EPHA5: variants seen among roughly 807,000 people sequenced by gnomAD.
EPHA5 encodes the protein EPH receptor A5, also known as ephrin type-A receptor 5.
In EPHA5, 60 loss-of-function variants were observed where a neutral mutation model predicts 105.0. The observed-to-expected ratio is 0.57, with a 90% CI of 0.46 to 0.71. The LOEUF is 0.71. Ranked by LOEUF, EPHA5 falls within the 30% of genes least tolerant of loss-of-function variation. The pLI is 0.00. For synonymous variants in EPHA5, 513 were observed against 449.1 expected, an observed-to-expected ratio of 1.14 and a Z score of -1.80; for missense variants, 1,218 against 1,274.7, an observed-to-expected ratio of 0.96 and a Z score of 0.68.
intron 1 of EPHA5, among the ~76,000 whole-genome samples, chr4:65,669,199 T>G (rs1750229953): frequency 6.6e-6 from 1 of 151,874 alleles, no homozygotes; most frequent in African/African-American, 2.4e-5. Flanking sequence ...GCCCGAAATG[T>G]CACTTCCCCA....
chr4:65,523,391 A>T (rs780496492), intron 3 of EPHA5, among the ~76,000 whole-genome samples: 1 of 151,966 alleles, frequency 6.6e-6, no homozygotes, highest in Admixed American at 6.6e-5. Context: ...TTGATATTTC[A>T]TCTCTCTTTG....
chr4:65,658,009 C>CT (rs60072108), intron 1 of EPHA5, among the ~76,000 whole-genome samples: 43,359 of 150,758 alleles, frequency 0.29, 6,819 homozygotes, highest in East Asian at 0.56. Context: ...CAGAAGAGAG[C>CT]TTTTTTTTCT....
intron 2 of EPHA5, among the ~76,000 whole-genome samples, chr4:65,626,261 A>C (rs1444281698): frequency 2.6e-5 from 4 of 152,218 alleles, no homozygotes; most frequent in African/African-American, 9.6e-5. Context: ...ACAAAATGTA[A>C]TAATTTAATG....
intron 8 of EPHA5, among the ~76,000 whole-genome samples, chr4:65,400,725 T>G (rs544202713): frequency 6.6e-6 from 1 of 152,244 alleles, no homozygotes; most frequent in South Asian, 2.1e-4. Flanking sequence ...AGTTTCACAA[T>G]ACCCAGTGTG....
intron 5 of EPHA5, among the ~76,000 whole-genome samples, chr4:65,439,848 G>A (rs1435900533): frequency 6.6e-6 from 1 of 151,960 alleles, no homozygotes; most frequent in East Asian, 1.9e-4. Flanking sequence ...GCATTTAATT[G>A]ATTTAGATAA....
intron 14 of EPHA5, among the ~76,000 whole-genome samples, chr4:65,340,587 T>C (rs1480376511): frequency 4.6e-5 from 7 of 151,806 alleles, no homozygotes; most frequent in Admixed American, 2.6e-4. Context: ...GAGTGGATAG[T>C]GGAGGAGGGG....
chr4:65,648,958 A>G (rs1225839043), intron 1 of EPHA5, among the ~76,000 whole-genome samples: 1 of 152,186 alleles, frequency 6.6e-6, no homozygotes, highest in African/African-American at 2.4e-5. Flanking sequence ...GGAAAACTAG[A>G]TTTGTAAATT....
At chr4:65,472,822 C>A (rs549993672) in intron 5 of EPHA5, among the ~76,000 whole-genome samples, 1 of 152,188 alleles carries the variant, frequency 6.6e-6, no homozygotes. Context: ...CTCTGACAGG[C>A]CCTGGACACA....
intron 1 of EPHA5, 190 bp downstream of exon 1, chr4:65,669,372 T>A: frequency 4.1e-6 from 4 of 982,450 alleles, no homozygotes; most frequent in Non-Finnish European, 4.8e-6. Context: ...GCAGCTAACG[T>A]CAAACAATGC....
At chr4:65,357,257 G>T (rs1270932275) in intron 11 of EPHA5, among the ~76,000 whole-genome samples, 11 of 151,368 alleles carry the variant, frequency 7.3e-5, no homozygotes, top group Admixed American at 6.0e-4. Context: ...GGCTCAGAAA[G>T]GTTCAATATA....
At chr4:65,559,499 C>T (rs936553313) in intron 3 of EPHA5, among the ~76,000 whole-genome samples, 18 of 152,202 alleles carry the variant, frequency 1.2e-4, no homozygotes, top group African/African-American at 3.9e-4. Flanking sequence ...GAAAAATTCC[C>T]GAAATCCTTC....
intron 3 of EPHA5, among the ~76,000 whole-genome samples, chr4:65,574,551 A>C (rs1227180074): frequency 1.4e-5 from 2 of 146,560 alleles, no homozygotes; most frequent in East Asian, 3.9e-4. Flanking sequence ...TACTGGAAAA[A>C]TTATTAAATA....
rs376995246 is a variant in EPHA5, at chr4:65,577,977, A to C, written c.910+23664T>G. ...ACCAGAAATTCCTAGAATTTATAGC[A>C]CTTAATTAGCCTCAATTAATATTTT... On this transcript the variant is annotated intron_variant, in intron 3 of 16. Transcript: ENST00000613740. Among the ~76,000 whole-genome samples the C allele has an allele frequency of 2.0e-5, 3 of 152,302 alleles. No individual in the cohort carries two copies. In the South Asian group the frequency reaches 6.2e-4, roughly 32 times the overall value.
chr4:65,380,606 G>GA (rs1293661975), intron 8 of EPHA5, among the ~76,000 whole-genome samples: 2 of 151,500 alleles, frequency 1.3e-5, no homozygotes, highest in Non-Finnish European at 3.0e-5. Flanking sequence ...AGGTAAATGA[G>GA]AAAAAAGCAA....
At chr4:65,465,280 C>T (rs972494023) in intron 5 of EPHA5, among the ~76,000 whole-genome samples, 1 of 151,420 alleles carries the variant, frequency 6.6e-6, no homozygotes, top group Non-Finnish European at 1.5e-5. Context: ...ACTAACAATA[C>T]AAAAAATTAG....
At position 65,429,271 on chromosome 4, in the gene EPHA5, T is replaced by C. The variant is rs189566659; in HGVS notation, c.1403-8706A>G. The stretch of plus-strand genomic sequence containing the variant: ...TTATACTATATTCAAGAGAATATAG[T>C]CCCATATGCAATTTTCAATAATGTT... On this transcript the variant is annotated intron_variant, in intron 5 of 16. Transcript: ENST00000613740. 3.9e-3 allele frequency among the ~76,000 whole-genome samples: 600 copies of C among 152,146 alleles called. 4 individuals carry two copies. Among genetic ancestry groups the C allele is most frequent in the Non-Finnish European group, 5.5e-3 (376 of 67,896 alleles).
chr4:65,624,708 T>A (rs1380669433), intron 2 of EPHA5, among the ~76,000 whole-genome samples: 1 of 152,222 alleles, frequency 6.6e-6, no homozygotes, highest in African/African-American at 2.4e-5. Flanking sequence ...TCTACCTGGT[T>A]ACTAGCAAGG....
chr4:65,461,523 G>T (rs1006513736), intron 5 of EPHA5, among the ~76,000 whole-genome samples: 7 of 151,872 alleles, frequency 4.6e-5, no homozygotes, highest in African/African-American at 1.7e-4. Context: ...ATTATCTTTT[G>T]CTATTTTAGA....
chr4:65,478,106 G>T (rs1323309321), intron 5 of EPHA5, among the ~76,000 whole-genome samples: 1 of 152,160 alleles, frequency 6.6e-6, no homozygotes, highest in East Asian at 1.9e-4. Flanking sequence ...AACGCACAAG[G>T]TAACAAGCAC....
Sources: allele counts gnomAD v4.1 joint callset (sites outside exome capture counted in the v4.1 genomes callset), GRCh38; gene constraint gnomAD v4.1.1; transcripts MANE v1.5; gene names NCBI Gene and HGNC (gene_info 2026-07-23, HGNC 2026-07-21).